IMMP2L: variants seen among roughly 807,000 people sequenced by gnomAD.
The protein encoded by IMMP2L is inner mitochondrial membrane peptidase subunit 2, also known as mitochondrial inner membrane protease subunit 2.
IMMP2L carries 18 observed loss-of-function variants against 19.3 expected under a neutral mutation model. That is an observed-to-expected ratio of 0.93 (90% confidence interval 0.64 to 1.38). The LOEUF is 1.38. Among genes scored for constraint, IMMP2L ranks in the 40% most tolerant of loss-of-function variants. The pLI, the probability that IMMP2L is intolerant of heterozygous loss-of-function variation, is 0.00. For missense variants in IMMP2L, 233 were observed against 218.2 expected (o/e 1.07, Z -0.43); for synonymous variants, 76 against 73.0 (o/e 1.04, Z -0.21).
At chr7:111,409,554 A>C (rs1023106122) in intron 3 of IMMP2L, among the ~76,000 whole-genome samples, 1 of 151,786 alleles carries the variant, frequency 6.6e-6, no homozygotes. Flanking sequence ...TCTTCTGAAA[A>C]ACCTGAGAGT....
At chr7:111,329,569 A>G (rs574319635) in intron 3 of IMMP2L, among the ~76,000 whole-genome samples, 1 of 151,996 alleles carries the variant, frequency 6.6e-6, no homozygotes, top group East Asian at 1.9e-4. Flanking sequence ...GTGAACAGTT[A>G]GCTCAGAACA....
chr7:110,782,993 G>A (rs1307572598), intron 5 of IMMP2L, among the ~76,000 whole-genome samples: 3 of 151,864 alleles, frequency 2.0e-5, no homozygotes, highest in Non-Finnish European at 4.4e-5. Context: ...CAATGGAAGA[G>A]GAATAAGTAA....
chr7:110,989,724 T>C (rs1822256257), intron 3 of IMMP2L, among the ~76,000 whole-genome samples: 1 of 151,352 alleles, frequency 6.6e-6, no homozygotes, highest in African/African-American at 2.4e-5. Context: ...AAAGCTGTTT[T>C]ACAATAAAAG....
intron 5 of IMMP2L, among the ~76,000 whole-genome samples, chr7:110,772,624 C>T (rs1326904221): frequency 6.6e-6 from 1 of 152,088 alleles, no homozygotes; most frequent in Non-Finnish European, 1.5e-5. Flanking sequence ...CCAGTGGGTA[C>T]CATGGAGGAG....
At chr7:111,402,656 T>C (rs978697217) in intron 3 of IMMP2L, among the ~76,000 whole-genome samples, 13 of 152,150 alleles carry the variant, frequency 8.5e-5, no homozygotes, top group African/African-American at 2.6e-4. Flanking sequence ...GAGGTTACAG[T>C]GAGCCAAGAT....
At chr7:111,466,186 G>C (rs998937469) in intron 3 of IMMP2L, among the ~76,000 whole-genome samples, 1 of 152,128 alleles carries the variant, frequency 6.6e-6, no homozygotes, top group Non-Finnish European at 1.5e-5. Context: ...GGGGTGGAGG[G>C]AGCGGGGAGG....
At chr7:111,225,200 C>T (rs1356565917) in intron 3 of IMMP2L, among the ~76,000 whole-genome samples, 1 of 152,070 alleles carries the variant, frequency 6.6e-6, no homozygotes, top group East Asian at 1.9e-4. Flanking sequence ...AAACAACTGA[C>T]AGTATTCATT....
intron 3 of IMMP2L, among the ~76,000 whole-genome samples, chr7:111,342,519 G>A (rs940349649): frequency 1.3e-5 from 2 of 150,534 alleles, no homozygotes; most frequent in Non-Finnish European, 3.0e-5. Context: ...TTGAACCAGG[G>A]AGTTGGAGGT....
chr7:111,338,988 G>T (rs895318726), intron 3 of IMMP2L, among the ~76,000 whole-genome samples: 2 of 152,042 alleles, frequency 1.3e-5, no homozygotes, highest in Non-Finnish European at 2.9e-5. Flanking sequence ...CTACAAGTGA[G>T]CTCCTCTGGA....
chr7:111,034,782 G>A (rs1791172690), intron 3 of IMMP2L, among the ~76,000 whole-genome samples: 1 of 152,132 alleles, frequency 6.6e-6, no homozygotes, highest in South Asian at 2.1e-4. Context: ...GATCCTCTCA[G>A]AAACTTATCT....
chr7:111,433,728 A>G (rs1731745979), intron 3 of IMMP2L, among the ~76,000 whole-genome samples: 1 of 151,754 alleles, frequency 6.6e-6, no homozygotes, highest in Non-Finnish European at 1.5e-5. Flanking sequence ...TTGGGTGGGG[A>G]CACAGAACAA....
chr7:111,027,227 T>C (rs1826927299), intron 3 of IMMP2L, among the ~76,000 whole-genome samples: 2 of 152,202 alleles, frequency 1.3e-5, no homozygotes, highest in East Asian at 1.9e-4. Flanking sequence ...AACAATATTG[T>C]ATATCACTGG....
intron 3 of IMMP2L, among the ~76,000 whole-genome samples, chr7:111,158,136 T>G (rs1168464054): frequency 6.6e-6 from 1 of 151,884 alleles, no homozygotes; most frequent in Non-Finnish European, 1.5e-5. Flanking sequence ...CTTTATTATA[T>G]TTTTATTATT....
chr7:110,902,642 C>CTATTTT (rs1585199892), intron 4 of IMMP2L, among the ~76,000 whole-genome samples: 3,783 of 111,426 alleles, frequency 0.034, 1,072 homozygotes, highest in East Asian at 0.093. Flanking sequence ...AGTACAGACT[C>CTATTTT]GGCCGGGCGC....
intron 3 of IMMP2L, among the ~76,000 whole-genome samples, chr7:111,225,716 G>T (rs1006763347): frequency 6.6e-6 from 1 of 151,626 alleles, no homozygotes; most frequent in African/African-American, 2.4e-5. Context: ...AAAAGAATGG[G>T]TGGTTAAGTG....
At position 110,728,330 on chromosome 7, in the gene IMMP2L, A is replaced by G. The variant is rs1305465744; in HGVS notation, c.409-64609T>C. On this transcript the variant is annotated intron_variant, in intron 5 of 5. Transcript: ENST00000405709. The surrounding 1 kb of genome is among the most constrained non-coding windows in gnomAD (Gnocchi z 4.6). The stretch of plus-strand genomic sequence containing the variant: ...CCTGGGCAACATGGCAAAACCCTGT[A>G]TCTATAAAATATATAAAAATTAGCT... Among the ~76,000 whole-genome samples the G allele has an allele frequency of 1.3e-5, 2 of 151,916 alleles. No homozygotes were observed. The highest frequency in any genetic ancestry group is 2.9e-5 in the Non-Finnish European group (2 of 67,988).
chr7:111,517,447 C>CA (rs11438855), intron 2 of IMMP2L, among the ~76,000 whole-genome samples: 65,187 of 140,382 alleles, frequency 0.46, 14,530 homozygotes, highest in Non-Finnish European at 0.51. Flanking sequence ...GTATCAATTG[C>CA]AAAAAAAAAA....
chr7:111,481,828 G>T (rs994724867), intron 3 of IMMP2L, among the ~76,000 whole-genome samples: 1 of 152,174 alleles, frequency 6.6e-6, no homozygotes, highest in Non-Finnish European at 1.5e-5. Flanking sequence ...AGATTTAGAC[G>T]TAGTGTTATC....
chr7:111,452,744 C>G (rs1839323543), intron 3 of IMMP2L, among the ~76,000 whole-genome samples: 1 of 152,026 alleles, frequency 6.6e-6, no homozygotes, highest in Non-Finnish European at 1.5e-5. Context: ...TGCTATAGCT[C>G]TCCAATTCAA....
Sources: allele counts gnomAD v4.1 joint callset (sites outside exome capture counted in the v4.1 genomes callset), GRCh38; gene constraint gnomAD v4.1.1; non-coding constraint Gnocchi (gnomAD v3.1); transcripts MANE v1.5; gene names NCBI Gene and HGNC (gene_info 2026-07-23, HGNC 2026-07-21).